SND1: variants seen among roughly 807,000 people sequenced by gnomAD.
SND1 encodes the protein staphylococcal nuclease and tudor domain containing 1.
In SND1, 38 loss-of-function variants were observed where a neutral mutation model predicts 121.7. That is an observed-to-expected ratio of 0.31 (90% CI 0.24 to 0.41). SND1 has a LOEUF of 0.41. Ranked by LOEUF, SND1 falls within the 10% of genes least tolerant of loss-of-function variation. The pLI is 1.00. For missense variants in SND1, 868 were observed against 1,184.6 expected (o/e 0.73, Z 3.92); for synonymous variants, 401 against 447.4 (o/e 0.90, Z 1.31).
intron 16 of SND1, among the ~76,000 whole-genome samples, chr7:128,045,317 C>T (rs1459933107): frequency 2.0e-5 from 3 of 152,182 alleles, no homozygotes; most frequent in South Asian, 2.1e-4. Flanking sequence ...AAGCCATGCT[C>T]CAGCCCTCTG....
At chr7:127,999,372 T>C (rs1174610091) in intron 16 of SND1, 1 of 143,524 alleles carries the variant, frequency 7.0e-6, no homozygotes, top group East Asian at 2.0e-4. Context: ...CAATTTGTTT[T>C]TCTTAATGTT....
Position 128,082,899 on chromosome 7 carries a change from G to A in SND1, c.2110+1398G>A, listed in dbSNP as rs1018376026. Among the ~76,000 whole-genome samples the A allele has an allele frequency of 2.0e-4, 30 of 152,328 alleles. 1 individual carries two copies. Among genetic ancestry groups the A allele is most frequent in the African/African-American group, 7.2e-4 (30 of 41,578 alleles). ...CAGAACAAGCCCCTGAAGTCTTAGA[G>A]AGCAGAAATCTGAGGCAGAAAACAA... On this transcript the variant is annotated intron_variant, in intron 18 of 23. Transcript: ENST00000354725.
chr7:127,920,195 T>C (rs1179241402), intron 14 of SND1, among the ~76,000 whole-genome samples: 1 of 152,174 alleles, frequency 6.6e-6, no homozygotes, highest in Admixed American at 6.5e-5. Flanking sequence ...ACAAAATCAA[T>C]AGTGGATTTA....
chr7:127,957,514 G>T (rs1164524081), intron 15 of SND1, among the ~76,000 whole-genome samples: 3 of 152,114 alleles, frequency 2.0e-5, no homozygotes, highest in Non-Finnish European at 2.9e-5. Context: ...GTGTTTCTTG[G>T]AAGGCTGTTG....
chr7:128,047,949 A>T (rs1254805828), intron 16 of SND1, among the ~76,000 whole-genome samples: 1 of 151,890 alleles, frequency 6.6e-6, no homozygotes, highest in Admixed American at 6.6e-5. Context: ...CCGGGTTCAA[A>T]CAATTCTCCT....
intron 10 of SND1, among the ~76,000 whole-genome samples, chr7:127,794,491 A>T (rs576429312): frequency 2.4e-4 from 36 of 152,314 alleles, no homozygotes; most frequent in African/African-American, 6.3e-4. Context: ...TAATAATAAT[A>T]ATTATTTTTT....
At chr7:127,855,006 G>T (rs1325013778) in intron 12 of SND1, among the ~76,000 whole-genome samples, 1 of 149,408 alleles carries the variant, frequency 6.7e-6, no homozygotes, top group African/African-American at 2.5e-5. Flanking sequence ...TCTTTTGAGT[G>T]CTGAGTGCTT....
chr7:127,852,067 T>C (rs1280178930), intron 12 of SND1, among the ~76,000 whole-genome samples: 1 of 151,910 alleles, frequency 6.6e-6, no homozygotes, highest in Admixed American at 6.6e-5. Flanking sequence ...GGCTGAGGCA[T>C]GAGAATCACT....
At chr7:127,886,142 T>C (rs1045798363) in intron 12 of SND1, among the ~76,000 whole-genome samples, 1 of 152,092 alleles carries the variant, frequency 6.6e-6, no homozygotes, top group African/African-American at 2.4e-5. Flanking sequence ...AAGCAGCCTC[T>C]TTGTGGGAGT....
chr7:127,937,388 T>C (rs1176710818), intron 15 of SND1, among the ~76,000 whole-genome samples: 1 of 152,072 alleles, frequency 6.6e-6, no homozygotes, highest in Non-Finnish European at 1.5e-5. Context: ...AGACTTCCCT[T>C]TTCCTGCCCT....
intron 16 of SND1, among the ~76,000 whole-genome samples, chr7:128,017,399 T>G (rs1803248498): frequency 6.6e-6 from 1 of 152,204 alleles, no homozygotes; most frequent in Non-Finnish European, 1.5e-5. Flanking sequence ...GTACAACTAT[T>G]AATCACCCAG....
chr7:127,754,937 T>C (rs1350229949), intron 10 of SND1, among the ~76,000 whole-genome samples: 4 of 152,250 alleles, frequency 2.6e-5, no homozygotes, highest in Non-Finnish European at 5.9e-5. Context: ...ATTAGCATTT[T>C]CATGTTTCCA....
intron 10 of SND1, among the ~76,000 whole-genome samples, chr7:127,766,572 A>C (rs11536594): frequency 4.6e-5 from 7 of 151,414 alleles, no homozygotes; most frequent in African/African-American, 7.3e-5. Flanking sequence ...TCAGGAGATC[A>C]AGACCATCCT....
intron 16 of SND1, among the ~76,000 whole-genome samples, chr7:128,036,403 CTGA>C (rs917872430): frequency 1.3e-5 from 2 of 152,200 alleles, no homozygotes; most frequent in African/African-American, 2.4e-5. Flanking sequence ...TTCCTGGAGC[CTGA>C]TGATTCAAGG....
At chr7:127,658,133 G>A (rs910781252) in intron 1 of SND1, among the ~76,000 whole-genome samples, 2 of 152,066 alleles carry the variant, frequency 1.3e-5, no homozygotes, top group South Asian at 2.1e-4. Flanking sequence ...CCAACATGGC[G>A]AAACCCTATC....
intron 15 of SND1, among the ~76,000 whole-genome samples, chr7:127,978,180 T>A (rs1484388002): frequency 6.6e-6 from 1 of 151,482 alleles, no homozygotes; most frequent in African/African-American, 2.4e-5. Context: ...AGGGCAACAG[T>A]AAGAAACAAA....
chr7:128,062,044 T>C (rs1401937394), intron 16 of SND1, among the ~76,000 whole-genome samples: 1 of 152,274 alleles, frequency 6.6e-6, no homozygotes, highest in African/African-American at 2.4e-5. Context: ...TCCCCCACAG[T>C]GTCCAGATCT....
intron 11 of SND1, among the ~76,000 whole-genome samples, chr7:127,832,400 A>T (rs1798757183): frequency 6.6e-6 from 1 of 152,236 alleles, no homozygotes; most frequent in Admixed American, 6.5e-5. Flanking sequence ...TTAGAGAAGC[A>T]TGTGGAAATT....
chr7:127,832,933 T>C (rs1798789487), intron 11 of SND1, among the ~76,000 whole-genome samples: 1 of 152,168 alleles, frequency 6.6e-6, no homozygotes, highest in African/African-American at 2.4e-5. Flanking sequence ...TTTATGAGAA[T>C]CTAATGCTTG....
Sources: allele counts gnomAD v4.1 joint callset (sites outside exome capture counted in the v4.1 genomes callset), GRCh38; gene constraint gnomAD v4.1.1; transcripts MANE v1.5; gene names NCBI Gene and HGNC (gene_info 2026-07-23, HGNC 2026-07-21).